Variants in ATAD2B observed in about 807,000 individuals in gnomAD.
ATAD2B encodes ATPase family AAA domain-containing protein 2B.
In ATAD2B, 40 loss-of-function variants were observed where a neutral mutation model predicts 167.6. That is an observed-to-expected ratio of 0.24 (90% CI 0.19 to 0.31). ATAD2B has a LOEUF of 0.31. Among genes scored for constraint, ATAD2B ranks in the 10% least tolerant of loss-of-function variants. The probability of loss-of-function intolerance (pLI) is 1.00; values close to 1 mark genes in which losing one functional copy is unlikely to be tolerated. For synonymous variants in ATAD2B, 579 were observed against 596.5 expected, an observed-to-expected ratio of 0.97 and a Z score of 0.43; for missense variants, 1,242 against 1,757.2, an observed-to-expected ratio of 0.71 and a Z score of 5.24.
At chr2:23,917,167 T>G (rs1311950153) in intron 1 of ATAD2B, among the ~76,000 whole-genome samples, 1 of 152,230 alleles carries the variant, frequency 6.6e-6, no homozygotes, top group Non-Finnish European at 1.5e-5. Flanking sequence ...GCTCGATATT[T>G]ACTGAATGAA....
At chr2:23,743,562 C>CAA in the ATAD2B span, among the ~76,000 whole-genome samples, 6 of 83,202 alleles carry the variant, frequency 7.2e-5, no homozygotes, top group African/African-American at 1.5e-4. Context: ...AAATCCGACT[C>CAA]AAAAAAAAAA....
chr2:23,851,966 AAGAATACTACCGC>A (rs1290201746), intron 13 of ATAD2B, among the ~76,000 whole-genome samples: 2 of 152,100 alleles, frequency 1.3e-5, no homozygotes, highest in Non-Finnish European at 2.9e-5. Context: ...CGGAAATGAA[AAGAATACTACCGC>A]AGACTATTTA....
intron 19 of ATAD2B, among the ~76,000 whole-genome samples, chr2:23,792,787 C>T (rs1007912522): frequency 1.2e-4 from 18 of 151,400 alleles, no homozygotes; most frequent in Middle Eastern, 6.8e-3. Context: ...ACAGTGAAAT[C>T]CCTTCTCTAC....
At chr2:23,728,326 T>C in the ATAD2B span, among the ~76,000 whole-genome samples, 9 of 152,204 alleles carry the variant, frequency 5.9e-5, no homozygotes, top group Admixed American at 3.3e-4. Flanking sequence ...AATATGCATG[T>C]ACAACACTTG....
intron 3 of ATAD2B, 142 bp downstream of exon 3, chr2:23,888,208 T>G: frequency 1.4e-6 from 1 of 721,824 alleles, no homozygotes; most frequent in South Asian, 2.0e-5. Context: ...AATTACATAC[T>G]TTTTTTACTA....
At chr2:23,789,386 C>G (rs1681313169) in intron 19 of ATAD2B, among the ~76,000 whole-genome samples, 2 of 152,064 alleles carry the variant, frequency 1.3e-5, no homozygotes, top group African/African-American at 4.8e-5. Flanking sequence ...GAATGTCTAC[C>G]TTCTACCTTC....
chr2:23,687,272 G>T, the ATAD2B span, among the ~76,000 whole-genome samples: 10 of 152,162 alleles, frequency 6.6e-5, no homozygotes, highest in African/African-American at 2.4e-4. Context: ...CCAGGGGCAG[G>T]TGATCCCTCC....
the ATAD2B span, among the ~76,000 whole-genome samples, chr2:23,682,605 G>A: frequency 0.01 from 1,560 of 152,254 alleles, 27 homozygotes; most frequent in African/African-American, 0.033. This position sits in a 1 kb window ranked among gnomAD's most constrained non-coding sequence, Gnocchi z 4.1. Context: ...CCCGCCCACC[G>A]CCTCATTGTG....
the ATAD2B span, chr2:23,693,167 C>T: frequency 1.1e-5 from 14 of 1,274,034 alleles, no homozygotes; most frequent in Admixed American, 5.1e-5. Flanking sequence ...CAGGGTCCCC[C>T]GGGATGTGGG....
chr2:23,828,728 T>C (rs979087096), intron 15 of ATAD2B, 121 bp downstream of exon 15: 9 of 614,648 alleles, frequency 1.5e-5, no homozygotes, highest in Non-Finnish European at 2.5e-5. Flanking sequence ...AACATAAAGG[T>C]AGAGACAATC....
At chr2:23,884,044 T>C (rs1025057135) in intron 6 of ATAD2B, among the ~76,000 whole-genome samples, 1 of 152,070 alleles carries the variant, frequency 6.6e-6, no homozygotes, top group East Asian at 1.9e-4. Flanking sequence ...CTCGAAAGGC[T>C]GAGGCAGGAG....
chr2:23,713,405 T>TC, the ATAD2B span, among the ~76,000 whole-genome samples: 1 of 113,608 alleles, frequency 8.8e-6, no homozygotes, highest in Admixed American at 1.1e-4. Flanking sequence ...TATGGAGGTT[T>TC]TTTTTTTTAA....
rs1702939992 is a variant in ATAD2B, at chr2:23,915,615, G to GCC, written c.216+10939_216+10940insGG. Reference sequence around the variant, plus strand: ...TTTTTTTTTTTTTTTTTTTTTTTGAGACAGTCTTGCTCTGTCGCCAGGCTA... The same window carrying GCC: ...TTTTTTTTTTTTTTTTTTTTTTTGAGCCACAGTCTTGCTCTGTCGCCAGGCTA... On this transcript the variant is annotated intron_variant, in intron 1 of 27. Coordinates refer to ENST00000238789, the MANE Select transcript of ATAD2B (RefSeq NM_017552.4). Among the ~76,000 whole-genome samples, 2 of 21,148 alleles carry GCC rather than the reference G, an allele frequency of 9.5e-5. 1 individual carries two copies. The highest frequency in any genetic ancestry group is 1.9e-4 in the Non-Finnish European group (2 of 10,602). 13.9% of individuals were successfully genotyped at this position (21,148 alleles called of 152,430 possible).
the ATAD2B span, among the ~76,000 whole-genome samples, chr2:23,710,334 G>A: frequency 3.9e-5 from 6 of 152,262 alleles, no homozygotes; most frequent in African/African-American, 1.4e-4. Context: ...GCTCAACAAT[G>A]GCAGTTGTTA....
intron 18 of ATAD2B, among the ~76,000 whole-genome samples, chr2:23,805,970 A>G (rs755036333): frequency 2.0e-5 from 3 of 152,154 alleles, no homozygotes; most frequent in Admixed American, 6.5e-5. Flanking sequence ...ATTTGCCCAT[A>G]TTTAGAAAAC....
At chr2:23,860,219 C>T (rs1197805540) in intron 12 of ATAD2B, among the ~76,000 whole-genome samples, 4 of 152,180 alleles carry the variant, frequency 2.6e-5, no homozygotes, top group African/African-American at 9.7e-5. Context: ...TGGACTTCCT[C>T]GTCTCCAGAA....
chr2:23,728,246 T>G, the ATAD2B span, among the ~76,000 whole-genome samples: 1 of 152,248 alleles, frequency 6.6e-6, no homozygotes, highest in East Asian at 1.9e-4. Flanking sequence ...GTCTATTAAG[T>G]TTTTTTGAAA....
the ATAD2B span, among the ~76,000 whole-genome samples, chr2:23,679,356 C>T: frequency 6.6e-6 from 1 of 152,198 alleles, no homozygotes; most frequent in Admixed American, 6.5e-5. Flanking sequence ...CTCGTTTCTG[C>T]TCCACACAGT....
At chr2:23,825,420 C>T (rs543749771) in intron 15 of ATAD2B, among the ~76,000 whole-genome samples, 1 of 152,260 alleles carries the variant, frequency 6.6e-6, no homozygotes, top group Admixed American at 6.5e-5. Context: ...TGACAGTGAT[C>T]TATCTCACAA....
Sources: allele counts gnomAD v4.1 joint callset (sites outside exome capture counted in the v4.1 genomes callset), GRCh38; gene constraint gnomAD v4.1.1; non-coding constraint Gnocchi (gnomAD v3.1); transcripts MANE v1.5; gene names NCBI Gene and HGNC (gene_info 2026-07-23, HGNC 2026-07-21).